PRDM16: variants seen among roughly 807,000 people sequenced by gnomAD.
The protein encoded by PRDM16 is histone-lysine N-methyltransferase PRDM16.
A neutral mutation model predicts 110.6 loss-of-function variants in PRDM16; 23 were observed. The ratio of observed to expected loss-of-function variants is 0.21; its 90% confidence interval spans 0.15 to 0.29. The LOEUF (loss-of-function observed/expected upper bound fraction) is 0.29, where lower values mean the gene tolerates loss of function less well. Ranked by LOEUF, PRDM16 falls within the 10% of genes least tolerant of loss-of-function variation. The probability of loss-of-function intolerance (pLI) is 1.00; values close to 1 mark genes in which losing one functional copy is unlikely to be tolerated. For synonymous variants in PRDM16, 799 were observed against 781.8 expected (o/e 1.02, Z -0.37); for missense variants, 1,615 against 1,794.3 (o/e 0.90, Z 1.81).
chr1:3,083,637 G>A (rs1421965390), intron 1 of PRDM16, among the ~76,000 whole-genome samples: 2 of 152,006 alleles, frequency 1.3e-5, no homozygotes, highest in Non-Finnish European at 2.9e-5. Flanking sequence ...GGGGAGGGTG[G>A]GTGCCGGAGC....
At chr1:3,262,402 GA>G (rs1640182540) in intron 3 of PRDM16, among the ~76,000 whole-genome samples, 1 of 152,220 alleles carries the variant, frequency 6.6e-6, no homozygotes, top group South Asian at 2.1e-4. Context: ...CAGCCAGCGG[GA>G]AAAATTCAAC....
intron 3 of PRDM16, among the ~76,000 whole-genome samples, chr1:3,299,968 G>T (rs1181290882): frequency 1.0e-5 from 1 of 96,912 alleles, no homozygotes; most frequent in Non-Finnish European, 2.4e-5. Context: ...CTATGCTGTG[G>T]CCGTGATGTT....
At chr1:3,314,453 T>C (rs951346509) in intron 3 of PRDM16, among the ~76,000 whole-genome samples, 1 of 152,074 alleles carries the variant, frequency 6.6e-6, no homozygotes, top group African/African-American at 2.4e-5. Context: ...ACGATGAGGA[T>C]GGGGACAAGG....
chr1:3,388,701 T>C (rs1400788831), intron 4 of PRDM16, among the ~76,000 whole-genome samples: 3 of 152,238 alleles, frequency 2.0e-5, no homozygotes, highest in African/African-American at 7.2e-5. Context: ...CTCCTGCTAC[T>C]GGCAGCCAGG....
chr1:3,321,534 GTGTA>G (rs201182900), intron 3 of PRDM16, among the ~76,000 whole-genome samples: 11,852 of 151,802 alleles, frequency 0.078, 1,482 homozygotes, highest in African/African-American at 0.26. Flanking sequence ...GCATGTGTGT[GTGTA>G]TGTACGTTTG....
At chr1:3,178,892 G>A (rs1482665666) in intron 1 of PRDM16, among the ~76,000 whole-genome samples, 1 of 152,196 alleles carries the variant, frequency 6.6e-6, no homozygotes, top group Non-Finnish European at 1.5e-5. Context: ...AGACTCCTGA[G>A]CCACAGGGGC....
At position 3,332,159 on chromosome 1, in the gene PRDM16, G is replaced by A. The variant is rs536060851; in HGVS notation, c.439-52993G>A. On this transcript the variant is annotated intron_variant, in intron 3 of 16. Transcript: ENST00000270722. The stretch of plus-strand genomic sequence containing the variant: ...CAGGCTCCGCATCTCCCACTTTCCT[G>A]ACAATGCGCTCACCTCTTTCCAGGC... Among the ~76,000 whole-genome samples the A allele has an allele frequency of 2.8e-3, 423 of 152,378 alleles. 4 individuals are homozygous for A. Among genetic ancestry groups the A allele is most frequent in the Middle Eastern group, 0.014 (4 of 294 alleles).
At chr1:3,393,748 C>T (rs969137237) in intron 4 of PRDM16, among the ~76,000 whole-genome samples, 5 of 152,156 alleles carry the variant, frequency 3.3e-5, no homozygotes, top group African/African-American at 9.7e-5. Flanking sequence ...TCTGCACCTC[C>T]GCGCCGCTGG....
chr1:3,172,622 A>G (rs1487877186), intron 1 of PRDM16, among the ~76,000 whole-genome samples: 1 of 152,244 alleles, frequency 6.6e-6, no homozygotes, highest in Admixed American at 6.5e-5. Flanking sequence ...CTCAAAAGGA[A>G]GGAAACGGCG....
chr1:3,396,202 G>T (rs1643383940), intron 4 of PRDM16: 1 of 495,402 alleles, frequency 2.0e-6, no homozygotes, highest in African/African-American at 1.9e-5. Flanking sequence ...GGGCTCTGCT[G>T]TGCCCCCAGG....
At chr1:3,409,032 AGT>A (rs1449050270) in intron 8 of PRDM16, among the ~76,000 whole-genome samples, 6 of 141,748 alleles carry the variant, frequency 4.2e-5, no homozygotes, top group Non-Finnish European at 9.2e-5. Context: ...AGTGTGTGTG[AGT>A]GTGGGCGTGT....
intron 2 of PRDM16, among the ~76,000 whole-genome samples, chr1:3,217,135 C>T (rs577547818): frequency 2.0e-5 from 3 of 152,378 alleles, no homozygotes; most frequent in Non-Finnish European, 4.4e-5. Context: ...TAAAAAGCCC[C>T]GGGTGGCCTT....
At position 3,425,681 on chromosome 1, in the gene PRDM16, A is replaced by T; in HGVS notation, c.3040A>T (p.Asn1014Tyr). The T allele has an allele frequency of 6.2e-7, 1 of 1,613,964 alleles. No homozygotes were observed. The highest frequency in any genetic ancestry group is 8.5e-7 in the Non-Finnish European group (1 of 1,179,956). The change falls in exon 13 of 17, where the codon AAC becomes TAC. Residue 1014 changes from asparagine to tyrosine, a missense_variant. Coordinates refer to ENST00000270722, the MANE Select transcript of PRDM16 (RefSeq NM_022114.4). This position sits in a 1 kb window ranked among gnomAD's most constrained non-coding sequence, Gnocchi z 6.9. ...KEKPFKCHLC[N>Y]RCFGQQTNLD... The stretch of plus-strand genomic sequence containing the variant: ...GAAGCCTTTCAAGTGCCACCTGTGC[A>T]ACCGCTGCTTCGGGCAGCAGACCAA...
chr1:3,210,216 AGGTGGG>A (rs1638848915), intron 2 of PRDM16, among the ~76,000 whole-genome samples: 1 of 152,240 alleles, frequency 6.6e-6, no homozygotes, highest in African/African-American at 2.4e-5. Flanking sequence ...ACTCACAGGC[AGGTGGG>A]CTCTGGTCTG....
intron 10 of PRDM16, 73 bp from the exon 11 acceptor site, chr1:3,417,755 C>A (rs184101996): frequency 7.7e-7 from 1 of 1,296,384 alleles, no homozygotes; most frequent in Non-Finnish European, 1.1e-6. Context: ...TGTACAGAAC[C>A]CCCAGCAGTG....
At chr1:3,180,787 G>C (rs1429844124) in intron 1 of PRDM16, among the ~76,000 whole-genome samples, 1 of 139,678 alleles carries the variant, frequency 7.2e-6, no homozygotes, top group Non-Finnish European at 1.5e-5. Context: ...ATAGAGGCTG[G>C]GGTCAGCTGA....
At position 3,209,140 on chromosome 1, in the gene PRDM16, A is replaced by G. The variant is rs1638820790; in HGVS notation, c.387+22666A>G. The stretch of plus-strand genomic sequence containing the variant: ...GGGTGGACAGCAGGTGGCTTTGAAT[A>G]TCCTAGTCAAAAATATGGGAACATT... On this transcript the variant is annotated intron_variant, in intron 2 of 16. Coordinates refer to ENST00000270722, the MANE Select transcript of PRDM16 (RefSeq NM_022114.4). The surrounding 1 kb of genome is among the most constrained non-coding windows in gnomAD (Gnocchi z 4.6). Among the ~76,000 whole-genome samples, 1 of 152,208 alleles carries G rather than the reference A, an allele frequency of 6.6e-6. No individual in the cohort carries two copies. The highest frequency in any genetic ancestry group is 2.1e-4 in the South Asian group (1 of 4,834).
chr1:3,172,472 C>T (rs1045639791), intron 1 of PRDM16, among the ~76,000 whole-genome samples: 2 of 152,166 alleles, frequency 1.3e-5, no homozygotes, highest in African/African-American at 4.8e-5. Flanking sequence ...GCCGTAGATT[C>T]AGACGGCACA....
chr1:3,097,255 G>A (rs537586267), intron 1 of PRDM16, among the ~76,000 whole-genome samples: 72 of 152,334 alleles, frequency 4.7e-4, no homozygotes, highest in Non-Finnish European at 6.6e-4. Context: ...TCTGTTGTCC[G>A]TGTGACCTGC....
Sources: gnomAD v4.1 joint callset for allele counts (sites outside exome capture counted in the v4.1 genomes callset) on GRCh38, gnomAD v4.1.1 for gene constraint, Gnocchi (gnomAD v3.1) non-coding constraint, MANE v1.5 for transcripts, NCBI Gene and HGNC (gene_info 2026-07-23, HGNC 2026-07-21) for gene names.